CSMD1: variants seen among roughly 807,000 people sequenced by gnomAD.
CSMD1 encodes CUB and sushi domain-containing protein 1.
CSMD1 carries 213 observed loss-of-function variants against 417.5 expected under a neutral mutation model. That is an observed-to-expected ratio of 0.51 (90% confidence interval 0.46 to 0.57). The LOEUF is 0.57. CSMD1 is among the 20% of genes least tolerant of loss of function. CSMD1 has a pLI of 0.00. For missense variants in CSMD1, 6,923 were observed against 4,529.7 expected, an observed-to-expected ratio of 1.53 and a Z score of -15.17; for synonymous variants, 2,862 against 1,736.8, an observed-to-expected ratio of 1.65 and a Z score of -16.11.
At chr8:3,221,106 T>C (rs978164598) in intron 28 of CSMD1, among the ~76,000 whole-genome samples, 1 of 152,034 alleles carries the variant, frequency 6.6e-6, no homozygotes, top group Non-Finnish European at 1.5e-5. Context: ...GATGATAAAA[T>C]AGCAACAGAA....
intron 10 of CSMD1, among the ~76,000 whole-genome samples, chr8:3,524,204 T>G (rs1023830935): frequency 7.0e-6 from 1 of 142,864 alleles, no homozygotes; most frequent in Admixed American, 6.9e-5. Flanking sequence ...TGCACACACA[T>G]GCAACCCAGA....
At chr8:4,883,350 T>C (rs550385753) in intron 1 of CSMD1, among the ~76,000 whole-genome samples, 15 of 152,218 alleles carry the variant, frequency 9.9e-5, no homozygotes, top group Admixed American at 2.6e-4. Context: ...AATTTACATA[T>C]CATAAAATTT....
At chr8:2,948,506 C>A (rs959254326) in intron 68 of CSMD1, among the ~76,000 whole-genome samples, 1 of 152,064 alleles carries the variant, frequency 6.6e-6, no homozygotes, top group African/African-American at 2.4e-5. Flanking sequence ...ATTTATAAGT[C>A]AAACCTCTTT....
intron 1 of CSMD1, among the ~76,000 whole-genome samples, chr8:4,669,684 G>C (rs533639011): frequency 6.6e-6 from 1 of 152,088 alleles, no homozygotes; most frequent in Admixed American, 6.5e-5. Flanking sequence ...TTGGTTTTTT[G>C]CTAACTTGAA....
intron 25 of CSMD1, among the ~76,000 whole-genome samples, chr8:3,304,674 G>C (rs1049996903): frequency 5.9e-5 from 9 of 151,806 alleles, no homozygotes; most frequent in African/African-American, 2.2e-4. Flanking sequence ...ATTTTTCAAG[G>C]TCAGTTCATG....
chr8:3,903,252 C>T lies in CSMD1; in HGVS notation c.818+94651G>A, dbSNP rs181720186. The stretch of plus-strand genomic sequence containing the variant: ...AATTTACTCCTTGTCTCTGCCATGT[C>T]GGGTCAGAACTGGTTTTCTTGCCTC... On this transcript the variant is annotated intron_variant, in intron 5 of 69. Coordinates refer to ENST00000635120, the MANE Select transcript of CSMD1 (RefSeq NM_033225.6). Among the ~76,000 whole-genome samples the T allele has an allele frequency of 2.0e-3, 301 of 152,072 alleles. 2 individuals carry two copies. Among genetic ancestry groups the T allele is most frequent in the African/African-American group, 4.4e-3 (183 of 41,470 alleles).
At chr8:3,515,115 T>G in intron 10 of CSMD1, 1 of 152,346 alleles carries the variant, frequency 6.6e-6, no homozygotes, top group Non-Finnish European at 1.5e-5. Flanking sequence ...AATCAGTCAT[T>G]AATGTTATAA....
chr8:4,146,047 C>A (rs1305417304), intron 3 of CSMD1, among the ~76,000 whole-genome samples: 2 of 150,750 alleles, frequency 1.3e-5, no homozygotes. Context: ...GAACACTTAG[C>A]AACATTGCAG....
chr8:3,435,666 A>C (rs1005269695), intron 12 of CSMD1, among the ~76,000 whole-genome samples: 2 of 152,164 alleles, frequency 1.3e-5, no homozygotes, highest in African/African-American at 4.8e-5. Context: ...GCACGGTGCC[A>C]CCCACCTTCC....
intron 5 of CSMD1, among the ~76,000 whole-genome samples, chr8:3,758,843 C>A (rs987343042): frequency 6.6e-6 from 1 of 152,028 alleles, no homozygotes; most frequent in Non-Finnish European, 1.5e-5. Context: ...GGAGATTATA[C>A]TAGATTATTG....
chr8:3,262,228 TATAC>T (rs1421190690), intron 26 of CSMD1, among the ~76,000 whole-genome samples: 9 of 78,160 alleles, frequency 1.2e-4, no homozygotes, highest in Admixed American at 2.4e-4. Context: ...TATATATATA[TATAC>T]ACACACATAG....
intron 10 of CSMD1, among the ~76,000 whole-genome samples, chr8:3,498,843 T>C (rs1282881289): frequency 6.6e-6 from 1 of 152,204 alleles, no homozygotes; most frequent in East Asian, 1.9e-4. Context: ...GACTTCTGCT[T>C]AGTTCTTTTT....
chr8:4,296,263 C>G (rs1465005711), intron 3 of CSMD1, among the ~76,000 whole-genome samples: 1 of 152,050 alleles, frequency 6.6e-6, no homozygotes, highest in Admixed American at 6.6e-5. Context: ...GTTTATAGCA[C>G]CAGAATTCAG....
intron 7 of CSMD1, among the ~76,000 whole-genome samples, chr8:3,662,817 A>G (rs1798487370): frequency 6.6e-6 from 1 of 152,022 alleles, no homozygotes; most frequent in African/African-American, 2.4e-5. Context: ...GGAGGGGAAC[A>G]TCACACACCA....
intron 3 of CSMD1, among the ~76,000 whole-genome samples, chr8:4,036,956 G>GGTGGGT (rs1554523194): frequency 6.9e-6 from 1 of 145,936 alleles, no homozygotes; most frequent in Non-Finnish European, 1.5e-5. Flanking sequence ...GTGAGTGTGG[G>GGTGGGT]GTGTGTGTGT....
intron 5 of CSMD1, among the ~76,000 whole-genome samples, chr8:3,836,019 T>A (rs1802675250): frequency 6.6e-6 from 1 of 152,106 alleles, no homozygotes; most frequent in Non-Finnish European, 1.5e-5. Context: ...CTGTCCTCAT[T>A]TTCTGTTTCA....
chr8:3,477,341 G>C (rs1255321405), intron 11 of CSMD1, among the ~76,000 whole-genome samples: 3 of 152,190 alleles, frequency 2.0e-5, no homozygotes, highest in Non-Finnish European at 4.4e-5. Flanking sequence ...ATAAAAACTT[G>C]CCTAAAACTG....
At chr8:3,982,823 A>T (rs1435447666) in intron 5 of CSMD1, among the ~76,000 whole-genome samples, 1 of 152,208 alleles carries the variant, frequency 6.6e-6, no homozygotes, top group Non-Finnish European at 1.5e-5. Flanking sequence ...GGGGAGCACG[A>T]TGGTCACTTT....
chr8:4,463,819 G>A (rs540242286), intron 2 of CSMD1, among the ~76,000 whole-genome samples: 1 of 152,094 alleles, frequency 6.6e-6, no homozygotes, highest in African/African-American at 2.4e-5. Flanking sequence ...AAATAACTGT[G>A]GTGATGAATG....
Sources: gnomAD v4.1 joint callset for allele counts (sites outside exome capture counted in the v4.1 genomes callset) on GRCh38, gnomAD v4.1.1 for gene constraint, MANE v1.5 for transcripts, NCBI Gene and HGNC (gene_info 2026-07-23, HGNC 2026-07-21) for gene names.